Variants in UGGT2 observed in about 807,000 individuals in gnomAD.
UGGT2 encodes UDP-glucose glycoprotein glucosyltransferase 2.
Under a neutral mutation model 192.1 loss-of-function variants are expected in UGGT2, and 180 were observed. The ratio of observed to expected loss-of-function variants is 0.94; its 90% CI spans 0.83 to 1.06. The LOEUF (loss-of-function observed/expected upper bound fraction) is 1.06. Ranked by LOEUF, UGGT2 falls within the 50% of genes least tolerant of loss-of-function variation. UGGT2 has a pLI of 0.00. For missense variants in UGGT2, 1,849 were observed against 1,795.7 expected (o/e 1.03, Z -0.54); for synonymous variants, 580 against 591.0 (o/e 0.98, Z 0.27).
At chr13:95,993,561 T>G (rs1172776037) in intron 7 of UGGT2, among the ~76,000 whole-genome samples, 1 of 152,212 alleles carries the variant, frequency 6.6e-6, no homozygotes, top group East Asian at 1.9e-4. Context: ...TATTGTTAGC[T>G]GCTAAATAAA....
In UGGT2 at chr13:95,948,064, C is replaced by T. The variant is rs376665874; in HGVS notation, c.1473G>A (p.Pro491=). The T allele has an allele frequency of 4.5e-5, 73 of 1,612,444 alleles. No homozygotes were observed. In the Middle Eastern group the frequency reaches 1.2e-3, roughly 26 times the overall value. ...NFHNLVLFID[P]AQEYTLDFIK... is the part of the protein sequence containing the mutation. ...TAAAATCCAAGGTATATTCTTGGGC[C>T]GGATCAATAAACAGAACCTAAAAGA... The change falls in exon 14 of 39, where the codon CCG becomes CCA. Residue 491 remains proline, a synonymous_variant. Coordinates refer to ENST00000376747, the MANE Select transcript of UGGT2 (RefSeq NM_020121.4).
rs139842451 is a variant in UGGT2, at chr13:96,023,130, G to C, written c.395C>G (p.Pro132Arg). Residue 132 changes from proline to arginine, a missense_variant, in exon 4 of 39, where the codon CCA (proline) becomes CGA (arginine). Coordinates refer to ENST00000376747, the MANE Select transcript of UGGT2 (RefSeq NM_020121.4). ...AACCACAAATGCATTACAACCATCTGGTGGTGGCTCATCAGCTGCAATCTA... is the reference window on the plus strand; with the variant it reads ...AACCACAAATGCATTACAACCATCTCGTGGTGGCTCATCAGCTGCAATCTA... ...FQQIAADEPPPDGCNAFVVIH... is the reference protein window; with the variant it reads ...FQQIAADEPPRDGCNAFVVIH... The C allele has an allele frequency of 5.7e-6, 9 of 1,589,272 alleles. No homozygotes were observed. Among genetic ancestry groups the C allele is most frequent in the African/African-American group, 1.3e-5 (1 of 74,252 alleles).
At chr13:95,861,262 C>T (rs761078141) in intron 31 of UGGT2, among the ~76,000 whole-genome samples, 5 of 151,980 alleles carry the variant, frequency 3.3e-5, no homozygotes, top group Non-Finnish European at 5.9e-5. Context: ...TGTGGAACTA[C>T]GGCACAGCAA....
intron 5 of UGGT2, among the ~76,000 whole-genome samples, chr13:96,001,820 T>C (rs985293084): frequency 3.3e-5 from 5 of 152,174 alleles, no homozygotes; most frequent in African/African-American, 1.2e-4. Flanking sequence ...CCTCTTCCAT[T>C]TCCTCCTCAG....
intron 31 of UGGT2, among the ~76,000 whole-genome samples, chr13:95,862,393 ACATT>A (rs934482679): frequency 6.6e-6 from 1 of 152,176 alleles, no homozygotes; most frequent in African/African-American, 2.4e-5. Context: ...TCTAAAATGG[ACATT>A]CAAAGTTCTT....
chr13:95,842,004 G>A (rs1041657985), intron 36 of UGGT2, among the ~76,000 whole-genome samples: 3 of 152,102 alleles, frequency 2.0e-5, no homozygotes, highest in African/African-American at 7.2e-5. Flanking sequence ...AGAGGCATAG[G>A]CTTATTTCTG....
intron 12 of UGGT2, 27 bp from the exon 13 acceptor site, chr13:95,949,481 A>C (rs377334606): frequency 4.2e-5 from 60 of 1,431,878 alleles, no homozygotes; most frequent in Non-Finnish European, 5.4e-5. Flanking sequence ...ACACTTGTGA[A>C]AGCTATATTA....
intron 38 of UGGT2, among the ~76,000 whole-genome samples, chr13:95,821,439 T>C (rs1594072942): frequency 2.0e-5 from 3 of 152,288 alleles, no homozygotes; most frequent in African/African-American, 7.2e-5. Context: ...GGATTATTTT[T>C]TTCTTGCTAA....
chr13:95,933,752 G>C (rs1192779445), intron 17 of UGGT2, among the ~76,000 whole-genome samples: 2 of 152,090 alleles, frequency 1.3e-5, no homozygotes, highest in African/African-American at 4.8e-5. Context: ...CTGTATCTCG[G>C]CTCACTGCAA....
At chr13:95,803,206 A>C (rs1256215472) in intron 38 of UGGT2, among the ~76,000 whole-genome samples, 1 of 152,120 alleles carries the variant, frequency 6.6e-6, no homozygotes, top group Non-Finnish European at 1.5e-5. Flanking sequence ...ATTTTGAGAG[A>C]GACAAAGAGG....
intron 29 of UGGT2, 58 bp from the exon 30 acceptor site, chr13:95,867,481 G>A: frequency 2.2e-6 from 3 of 1,379,092 alleles, no homozygotes; most frequent in Non-Finnish European, 1.0e-6. Flanking sequence ...AATTATGATG[G>A]CATAACAGAA....
intron 20 of UGGT2, among the ~76,000 whole-genome samples, chr13:95,918,523 G>A (rs991500639): frequency 1.3e-5 from 2 of 151,812 alleles, no homozygotes; most frequent in South Asian, 2.1e-4. Context: ...AAGAAACCAC[G>A]ATCAGAGCTG....
chr13:96,041,231 G>A (rs556466953), intron 1 of UGGT2, among the ~76,000 whole-genome samples: 1 of 152,258 alleles, frequency 6.6e-6, no homozygotes, highest in South Asian at 2.1e-4. Flanking sequence ...ACTCTCACTG[G>A]GGAACCCGAA....
In UGGT2 at chr13:95,826,619, G is replaced by A. The variant is rs113985869; in HGVS notation, c.4528+6308C>T. ...CAAGAGAAAAATTCCATTTATAACA[G>A]TAGCAAAGAAAAGCTTAAACTATAT... On this transcript the variant is annotated intron_variant, in intron 38 of 38. Transcript: ENST00000376747. 8.6e-4 allele frequency among the ~76,000 whole-genome samples: 130 copies of A among 151,984 alleles called. 3 individuals carry two copies. In the Middle Eastern group the frequency reaches 0.01, roughly 12 times the overall value.
chr13:95,967,156 C>CTT (rs35913234), intron 12 of UGGT2, among the ~76,000 whole-genome samples: 13 of 140,180 alleles, frequency 9.3e-5, no homozygotes, highest in East Asian at 2.0e-4. Context: ...CAGGCATAAC[C>CTT]TTTTTTTTTT....
chr13:95,889,578 G>A lies in UGGT2; in HGVS notation c.2958+1284C>T, dbSNP rs566859138. ...AGGACAAATAGTTTGTAAAATTTTCGATATCAGTAGCAAAACATACAGCCT... is the reference window on the plus strand; with the variant it reads ...AGGACAAATAGTTTGTAAAATTTTCAATATCAGTAGCAAAACATACAGCCT... On this transcript the variant is annotated intron_variant, in intron 25 of 38. Coordinates refer to ENST00000376747, the MANE Select transcript of UGGT2 (RefSeq NM_020121.4). 4.6e-5 allele frequency among the ~76,000 whole-genome samples: 7 copies of A among 152,210 alleles called. No individual in the cohort carries two copies. In the South Asian group the frequency reaches 1.0e-3, roughly 23 times the overall value.
intron 36 of UGGT2, among the ~76,000 whole-genome samples, chr13:95,842,325 A>G (rs1458069669): frequency 3.3e-5 from 5 of 152,182 alleles, no homozygotes; most frequent in African/African-American, 1.2e-4. Flanking sequence ...TTTTCATATA[A>G]ATTATATATA....
chr13:95,965,984 A>G (rs908891633), intron 12 of UGGT2, among the ~76,000 whole-genome samples: 1 of 152,184 alleles, frequency 6.6e-6, no homozygotes, highest in African/African-American at 2.4e-5. Context: ...AACACTATGG[A>G]GATTCCTCAA....
chr13:95,927,390 C>A lies in UGGT2; in HGVS notation c.1978-54G>T, dbSNP rs200821969. On this transcript the variant is annotated intron_variant, in intron 17 of 38. Coordinates refer to ENST00000376747, the MANE Select transcript of UGGT2 (RefSeq NM_020121.4). ...ATACAGGCAATTTATATCCATGTTT[C>A]AAAAAGTATGCAGATAACACAAAGA... 147 of 1,439,402 alleles carry A rather than the reference C, an allele frequency of 1.0e-4. No homozygotes were observed. In the Middle Eastern group the frequency reaches 2.0e-3, roughly 20 times the overall value. The allele number at this position is 1,439,402 out of a possible 1,614,324, so 89.2% of individuals were successfully genotyped here. A position where few individuals can be genotyped will look rare whatever the true frequency, so the allele number is the denominator to read the frequency against.
Sources: gnomAD v4.1 joint callset for allele counts (sites outside exome capture counted in the v4.1 genomes callset) on GRCh38, gnomAD v4.1.1 for gene constraint, MANE v1.5 for transcripts, NCBI Gene and HGNC (gene_info 2026-07-23, HGNC 2026-07-21) for gene names.